The following PDE11A variants were observed in gnomAD, a reference collection of about 807,000 sequenced individuals.
PDE11A encodes the protein dual 3',5'-cyclic-AMP and -GMP phosphodiesterase 11A.
In PDE11A, 100 loss-of-function variants were observed where a neutral mutation model predicts 100.5. The ratio of observed to expected loss-of-function variants is 1.00; its 90% confidence interval spans 0.85 to 1.18. The LOEUF is 1.18. Among genes scored for constraint, PDE11A ranks in the 50% most tolerant of loss-of-function variants. The pLI is 0.00. For synonymous variants in PDE11A, 381 were observed against 420.8 expected (o/e 0.91, Z 1.16); for missense variants, 1,141 against 1,152.6 (o/e 0.99, Z 0.15).
At chr2:177,716,999 T>C (rs1325736679) in intron 12 of PDE11A, among the ~76,000 whole-genome samples, 1 of 152,178 alleles carries the variant, frequency 6.6e-6, no homozygotes, top group Admixed American at 6.5e-5. Context: ...CTTAAACTAC[T>C]GGTATCATGG....
intron 15 of PDE11A, among the ~76,000 whole-genome samples, chr2:177,690,719 T>A (rs2081029392): frequency 7.6e-6 from 1 of 131,712 alleles, no homozygotes; most frequent in African/African-American, 2.9e-5. Context: ...CAAAGAGAGG[T>A]GGCAAATTTT....
At chr2:177,657,495 C>T (rs1388922099) in intron 19 of PDE11A, among the ~76,000 whole-genome samples, 2 of 152,188 alleles carry the variant, frequency 1.3e-5, no homozygotes, top group African/African-American at 4.8e-5. Flanking sequence ...CTATTAAGAA[C>T]CAAACCTGGC....
intron 2 of PDE11A, among the ~76,000 whole-genome samples, chr2:178,014,025 T>C (rs1288266526): frequency 6.6e-6 from 1 of 152,128 alleles, no homozygotes; most frequent in Non-Finnish European, 1.5e-5. Context: ...TTATCTTACT[T>C]ATAAGGAAGA....
At chr2:177,777,558 C>T (rs1166378098) in intron 9 of PDE11A, among the ~76,000 whole-genome samples, 1 of 152,038 alleles carries the variant, frequency 6.6e-6, no homozygotes, top group Admixed American at 6.6e-5. Context: ...AGTTAGTTTC[C>T]TCCACAATTC....
intron 15 of PDE11A, among the ~76,000 whole-genome samples, chr2:177,688,995 C>T (rs969125958): frequency 3.3e-5 from 5 of 152,202 alleles, no homozygotes; most frequent in Non-Finnish European, 7.3e-5. Flanking sequence ...CATCTAACTC[C>T]TTTGAATCTA....
chr2:177,789,115 T>G (rs2082588486), intron 9 of PDE11A, among the ~76,000 whole-genome samples: 1 of 152,198 alleles, frequency 6.6e-6, no homozygotes, highest in Non-Finnish European at 1.5e-5. Context: ...ATATGCTTGA[T>G]GAACATTGAT....
intron 1 of PDE11A, among the ~76,000 whole-genome samples, chr2:178,039,555 C>T (rs908498823): frequency 1.3e-5 from 2 of 151,896 alleles, no homozygotes; most frequent in African/African-American, 4.8e-5. Flanking sequence ...ATAAAAGTTA[C>T]AAAAATGAAT....
intron 1 of PDE11A, among the ~76,000 whole-genome samples, chr2:178,023,318 A>G (rs2086437378): frequency 6.6e-6 from 1 of 152,188 alleles, no homozygotes; most frequent in Non-Finnish European, 1.5e-5. Context: ...CCAGCCCCAA[A>G]AAAACACACT....
chr2:177,906,230 C>G (rs983011888), intron 2 of PDE11A, among the ~76,000 whole-genome samples: 3 of 152,048 alleles, frequency 2.0e-5, no homozygotes, highest in Non-Finnish European at 4.4e-5. Flanking sequence ...GAAGAGGTAA[C>G]AAGCGCTGGC....
In PDE11A at chr2:178,011,160, A is replaced by G. The variant is rs560008248; in HGVS notation, c.1071+3142T>C. On this transcript the variant is annotated intron_variant, in intron 2 of 19. Coordinates refer to ENST00000286063, the MANE Select transcript of PDE11A (RefSeq NM_016953.4). The stretch of plus-strand genomic sequence containing the variant: ...TGGGGAAGCTGAAGGCAGGGTAACT[A>G]GAAGCACGGCATTTTAGGTAATGAG... Among the ~76,000 whole-genome samples the G allele has an allele frequency of 8.5e-5, 13 of 152,278 alleles. No individual in the cohort carries two copies. The South Asian group carries it at 2.7e-3, about 32-fold the overall frequency.
intron 2 of PDE11A, among the ~76,000 whole-genome samples, chr2:177,920,316 TAAGTAGGAAA>T (rs2085021565): frequency 6.6e-6 from 1 of 151,480 alleles, no homozygotes; most frequent in African/African-American, 2.4e-5. Context: ...TATGAACCTC[TAAGTAGGAAA>T]AAATCAGAAA....
At chr2:177,956,559 G>A (rs1373485210) in intron 2 of PDE11A, among the ~76,000 whole-genome samples, 1 of 152,092 alleles carries the variant, frequency 6.6e-6, no homozygotes, top group Non-Finnish European at 1.5e-5. Context: ...CCCATTACTG[G>A]GTATATACCC....
At chr2:177,656,348 A>T (rs923388134) in intron 19 of PDE11A, among the ~76,000 whole-genome samples, 1 of 152,228 alleles carries the variant, frequency 6.6e-6, no homozygotes, top group Non-Finnish European at 1.5e-5. Flanking sequence ...GTAGCCTGGG[A>T]GCAATAGGCT....
intron 1 of PDE11A, among the ~76,000 whole-genome samples, chr2:178,059,688 C>G (rs185133936): frequency 6.6e-6 from 1 of 152,330 alleles, no homozygotes; most frequent in African/African-American, 2.4e-5. Flanking sequence ...CCAATCCATT[C>G]TGAAGAGTGA....
intron 10 of PDE11A, among the ~76,000 whole-genome samples, chr2:177,749,609 C>A (rs1490384946): frequency 6.6e-6 from 1 of 152,066 alleles, no homozygotes; most frequent in Non-Finnish European, 1.5e-5. Context: ...TCAGGCAAAT[C>A]TAACACCACA....
At position 178,094,432 on chromosome 2, in the gene PDE11A, T is replaced by G. The variant is rs539018730; in HGVS notation, c.162+9870A>C. ...CCGGGGTCCCAGCTACTCAGGAGGCTGAGGCGGGATGATCAGTTGAGTCCA... is the reference window on the plus strand; with the variant it reads ...CCGGGGTCCCAGCTACTCAGGAGGCGGAGGCGGGATGATCAGTTGAGTCCA... On this transcript the variant is annotated intron_variant, in intron 2 of 20. Transcript: ENST00000358450. 4.7e-4 allele frequency among the ~76,000 whole-genome samples: 72 copies of G among 152,220 alleles called. 1 individual carries two copies. The highest frequency in any genetic ancestry group is 1.4e-3 in the African/African-American group (60 of 41,540).
intron 2 of PDE11A, chr2:177,998,301 G>C: frequency 1.2e-6 from 1 of 824,526 alleles, no homozygotes; most frequent in Non-Finnish European, 2.2e-6. Flanking sequence ...CTTAAGTTTT[G>C]TAGAAAGGAA....
At chr2:177,704,572 C>CA (rs922918101) in intron 13 of PDE11A, among the ~76,000 whole-genome samples, 33 of 150,312 alleles carry the variant, frequency 2.2e-4, no homozygotes, top group South Asian at 4.3e-4. Flanking sequence ...ATATAAGTGG[C>CA]AAAAAAAATA....
chr2:177,980,429 CTG>C lies in PDE11A; in HGVS notation c.1071+33871_1071+33872del, dbSNP rs111280907. ...TTTTTGATCAGTGAATGGAGTCAAA[CTG>C]TAACATAGACATAAGTATTAGTAAA... On this transcript the variant is annotated intron_variant, in intron 2 of 19. Coordinates refer to ENST00000286063, the MANE Select transcript of PDE11A (RefSeq NM_016953.4). 1.0e-2 allele frequency among the ~76,000 whole-genome samples: 1,508 copies of C among 150,816 alleles called. 44 individuals carry two copies. The highest frequency in any genetic ancestry group is 0.035 in the African/African-American group (1,431 of 41,420).
Sources: allele counts gnomAD v4.1 joint callset (sites outside exome capture counted in the v4.1 genomes callset), GRCh38; gene constraint gnomAD v4.1.1; transcripts MANE v1.5; gene names NCBI Gene and HGNC (gene_info 2026-07-23, HGNC 2026-07-21).